Variants in FAM149A observed in about 807,000 individuals in gnomAD.
FAM149A encodes protein FAM149A.
In FAM149A, 71 loss-of-function variants were observed where a neutral mutation model predicts 78.2. The observed-to-expected ratio is 0.91, with a 90% CI of 0.75 to 1.11. FAM149A has a LOEUF of 1.11. Ranked by LOEUF, FAM149A falls within the 50% of genes least tolerant of loss-of-function variation. The pLI is 0.00. For missense variants in FAM149A, 1,036 were observed against 971.0 expected (o/e 1.07, Z -0.89); for synonymous variants, 446 against 410.5 (o/e 1.09, Z -1.04).
rs759971771 is a variant in FAM149A, at chr4:186,157,556, T to C, written c.1421-9T>C. Reference sequence around the variant, plus strand: ...GTTTCTTGTAATATTGATTCTTCTGTTGACACAGAAGGGAAAAAACAGAGA... The same window carrying C: ...GTTTCTTGTAATATTGATTCTTCTGCTGACACAGAAGGGAAAAAACAGAGA... On this transcript the variant is annotated splice_polypyrimidine_tract_variant and intron_variant, in intron 7 of 13. Coordinates refer to ENST00000389354, the MANE Select transcript of FAM149A (RefSeq NM_001367768.3). 6.2e-7 allele frequency: 1 copy of C among 1,613,060 alleles called. No homozygotes were observed. Among genetic ancestry groups the C allele is most frequent in the South Asian group, 1.1e-5 (1 of 91,036 alleles).
chr4:186,163,398 A>G, intron 9 of FAM149A, 26 bp from the exon 10 acceptor site: 2 of 1,590,164 alleles, frequency 1.3e-6, no homozygotes, highest in Non-Finnish European at 1.7e-6. Context: ...CTCGCAGCTG[A>G]GTAGCTCACA....
At chr4:186,134,465 C>T (rs1188333124) in intron 1 of FAM149A, among the ~76,000 whole-genome samples, 2 of 152,128 alleles carry the variant, frequency 1.3e-5, no homozygotes, top group Admixed American at 1.3e-4. Flanking sequence ...AGAACACAGT[C>T]ATCCTGAGAG....
chr4:186,133,067 C>T (rs1307488336), intron 1 of FAM149A: 1 of 985,424 alleles, frequency 1.0e-6, no homozygotes, highest in Non-Finnish European at 1.2e-6. Context: ...TCTGACTCAA[C>T]ACTGCCCCCT....
rs914233691 is a variant in FAM149A at position 186,109,997 on chromosome 4, G to A, written c.566+4355G>A. On this transcript the variant is annotated intron_variant, in intron 1 of 13. Coordinates refer to ENST00000389354, the MANE Select transcript of FAM149A (RefSeq NM_001367768.3). ...AAACTTTTAATCTGCAGAATAATCA[G>A]TAGCATCACAAATCATACATTTGTG... 3 of 985,300 alleles carry A rather than the reference G, an allele frequency of 3.0e-6. No homozygotes were observed. The African/African-American group carries it at 5.2e-5, about 17-fold the overall frequency. The allele number at this position is 985,300 out of a possible 1,614,324, so 61.0% of individuals were successfully genotyped here.
In FAM149A at chr4:186,110,304, CAA is replaced by C. The variant is rs1483813636; in HGVS notation, c.566+4664_566+4665del. 254 of 985,132 alleles carry C rather than the reference CAA, an allele frequency of 2.6e-4. 1 individual carries two copies. In the African/African-American group the frequency reaches 4.2e-3, roughly 16 times the overall value. The allele number at this position is 985,132 out of a possible 1,614,324, so 61.0% of individuals were successfully genotyped here. On this transcript the variant is annotated intron_variant, in intron 1 of 13. Transcript: ENST00000389354. ...TTTGTTTCATCGTCTTGAGTTTTTC[CAA>C]AGTTAGTAATGCTTGCTGCTGGGAC...
At position 186,164,451 on chromosome 4, in the gene FAM149A, G is replaced by C. The variant is rs533499783; in HGVS notation, c.1889+818G>C. On this transcript the variant is annotated intron_variant, in intron 10 of 13. Coordinates refer to ENST00000389354, the MANE Select transcript of FAM149A (RefSeq NM_001367768.3). The surrounding 1 kb of genome is among the most constrained non-coding windows in gnomAD (Gnocchi z 4.0). ...GTTATCAGGAGCCGAGCTCAGGAGC[G>C]GGCGGCTGCCAACGCTTACCTGGCA... 9.3e-4 allele frequency: 921 copies of C among 985,360 alleles called. No individual in the cohort carries two copies. The highest frequency in any genetic ancestry group is 1.1e-3 in the Non-Finnish European group (891 of 829,892). 61.0% of individuals were successfully genotyped at this position (985,360 alleles called of 1,614,324 possible).
At chr4:186,157,743 C>A in intron 8 of FAM149A, 24 bp downstream of exon 8, 1 of 1,590,532 alleles carries the variant, frequency 6.3e-7, no homozygotes, top group East Asian at 2.2e-5. Context: ...CACCCTTCTC[C>A]CTCTTGCCTT....
intron 1 of FAM149A, among the ~76,000 whole-genome samples, chr4:186,120,032 A>G (rs1474671555): frequency 1.3e-5 from 2 of 152,224 alleles, no homozygotes; most frequent in Non-Finnish European, 2.9e-5. Context: ...GGTCTACCTC[A>G]GACCTCTGTT....
chr4:186,123,227 AT>A, intron 1 of FAM149A: 1 of 985,424 alleles, frequency 1.0e-6, no homozygotes, highest in Non-Finnish European at 1.2e-6. Flanking sequence ...TCCAAATCTT[AT>A]TTTTGCAAAA....
intron 11 of FAM149A, among the ~76,000 whole-genome samples, chr4:186,166,176 C>A (rs1476455997): frequency 6.6e-6 from 1 of 152,120 alleles, no homozygotes; most frequent in East Asian, 1.9e-4. Flanking sequence ...TGTCTCTATT[C>A]ATTTTATACA....
intron 1 of FAM149A, chr4:186,123,311 T>G: frequency 7.1e-6 from 7 of 985,224 alleles, no homozygotes; most frequent in Non-Finnish European, 8.4e-6. Flanking sequence ...GTTAAAAGAT[T>G]TCTCTAGTCA....
intron 3 of FAM149A, chr4:186,151,052 ATCCGCTTCTG>A: frequency 1.0e-6 from 1 of 985,348 alleles, no homozygotes; most frequent in Non-Finnish European, 1.2e-6. Context: ...GCACATGGGA[ATCCGCTTCTG>A]TCCGCAGCTG....
chr4:186,169,262 G>A lies in FAM149A; in HGVS notation c.2218+2000G>A, dbSNP rs558646776. The A allele has an allele frequency of 2.7e-5, 27 of 985,042 alleles. No individual in the cohort carries two copies. In the South Asian group the frequency reaches 4.2e-4, roughly 15 times the overall value. The allele number at this position is 985,042 out of a possible 1,614,324, so 61.0% of individuals were successfully genotyped here. A position where few individuals can be genotyped will look rare whatever the true frequency, so the allele number is the denominator to read the frequency against. The stretch of plus-strand genomic sequence containing the variant: ...CAATTATAAAAAATAATACATTATC[G>A]AAACAGACAACTTACAAAACACAAA... On this transcript the variant is annotated intron_variant, in intron 13 of 13. Transcript: ENST00000389354.
intron 9 of FAM149A, among the ~76,000 whole-genome samples, 164 bp downstream of exon 9, chr4:186,163,112 C>A (rs60881630): frequency 6.6e-6 from 1 of 152,188 alleles, no homozygotes; most frequent in African/African-American, 2.4e-5. Context: ...CCTTTAGTAC[C>A]AACCACAAAA....
rs976426972 is a variant in FAM149A at position 186,173,336 on chromosome 4, G to T, written c.*1349G>T. 9.0e-6 allele frequency among the ~76,000 whole-genome samples: 1 copy of T among 110,820 alleles called. No individual in the cohort carries two copies. The highest frequency in any genetic ancestry group is 4.8e-3 in the Middle Eastern group (1 of 208). The allele number at this position is 110,820 out of a possible 152,430, so 72.7% of individuals were successfully genotyped here. ...TGTTTGAAAATTTCTCCTTGACTTT[G>T]CTGACTCCATTTCTTTTTTCTTTTC... On this transcript the variant is annotated 3_prime_UTR_variant, in exon 14 of 14. Transcript: ENST00000389354.
At chr4:186,122,086 A>G (rs2099316316) in intron 1 of FAM149A, among the ~76,000 whole-genome samples, 1 of 152,150 alleles carries the variant, frequency 6.6e-6, no homozygotes, top group Non-Finnish European at 1.5e-5. Context: ...TTATGTCTTT[A>G]TATTAAGTGA....
chr4:186,157,590 G>GA lies in FAM149A; in HGVS notation c.1449dup (p.Val484SerfsTer52). ...AAGGGAAAAAACAGAGAGAAACATTGAAAGTGGCTGGAAACAGATTTCCGC... is the reference window on the plus strand; with the variant it reads ...AAGGGAAAAAACAGAGAGAAACATTGAAAAGTGGCTGGAAACAGATTTCCGC... On this transcript the variant is annotated frameshift_variant, in exon 8 of 14. Transcript: ENST00000389354. LOFTEE classifies it high-confidence loss of function. The GA allele has an allele frequency of 6.2e-7, 1 of 1,614,136 alleles. No individual in the cohort carries two copies. Among genetic ancestry groups the GA allele is most frequent in the Middle Eastern group, 1.6e-4 (1 of 6,062 alleles).
In FAM149A at chr4:186,112,317, A is replaced by C. The variant is rs1315155971; in HGVS notation, c.566+6675A>C. Among the ~76,000 whole-genome samples, 5 of 147,898 alleles carry C rather than the reference A, an allele frequency of 3.4e-5. 1 individual carries two copies. The highest frequency in any genetic ancestry group is 1.3e-4 in the African/African-American group (5 of 39,764). ...TTGGGCTGAGACAGTGGGGTTTTCTAGATATACAATCATGTCGTCTGCAAA... is the reference window on the plus strand; with the variant it reads ...TTGGGCTGAGACAGTGGGGTTTTCTCGATATACAATCATGTCGTCTGCAAA... On this transcript the variant is annotated intron_variant, in intron 1 of 13. Transcript: ENST00000389354.
At chr4:186,129,167 ATG>A (rs35839846) in intron 1 of FAM149A, among the ~76,000 whole-genome samples, 36,632 of 149,790 alleles carry the variant, frequency 0.24, 4,844 homozygotes, top group East Asian at 0.51. Context: ...GCATGTGTGT[ATG>A]TGTCTCTGTG....
Sources: gnomAD v4.1 joint callset for allele counts (sites outside exome capture counted in the v4.1 genomes callset) on GRCh38, gnomAD v4.1.1 for gene constraint, Gnocchi (gnomAD v3.1) non-coding constraint, MANE v1.5 for transcripts, NCBI Gene and HGNC (gene_info 2026-07-23, HGNC 2026-07-21) for gene names.